The following GRIN2B variants were observed in gnomAD, a reference collection of about 807,000 sequenced individuals.
The protein encoded by GRIN2B is glutamate ionotropic receptor NMDA type subunit 2B.
GRIN2B carries 5 observed loss-of-function variants against 114.5 expected under a neutral mutation model. The observed-to-expected ratio is 0.04, with a 90% CI of 0.02 to 0.09. GRIN2B has a LOEUF of 0.09. GRIN2B is among the 10% of genes least tolerant of loss of function. GRIN2B has a pLI of 1.00. For missense variants in GRIN2B, 1,108 were observed against 1,943.5 expected (o/e 0.57, Z 8.08); for synonymous variants, 787 against 745.1 (o/e 1.06, Z -0.92).
intron 3 of GRIN2B, among the ~76,000 whole-genome samples, chr12:13,800,588 A>G (rs1181003029): frequency 6.6e-6 from 1 of 152,218 alleles, no homozygotes; most frequent in East Asian, 1.9e-4. Flanking sequence ...TGGGGCTTCC[A>G]TATAGTATCA....
At chr12:13,637,779 C>T (rs1949679281) in intron 5 of GRIN2B, among the ~76,000 whole-genome samples, 1 of 152,144 alleles carries the variant, frequency 6.6e-6, no homozygotes, top group Non-Finnish European at 1.5e-5. Flanking sequence ...TATTAAGAAA[C>T]TTATTCAAAT....
At chr12:13,850,749 C>G (rs1865547637) in intron 3 of GRIN2B, among the ~76,000 whole-genome samples, 1 of 152,128 alleles carries the variant, frequency 6.6e-6, no homozygotes, top group African/African-American at 2.4e-5. Context: ...GCTTGATGTC[C>G]CAGGAGGGCT....
chr12:13,831,013 C>G (rs1243752000), intron 3 of GRIN2B, among the ~76,000 whole-genome samples: 2 of 152,146 alleles, frequency 1.3e-5, no homozygotes, highest in African/African-American at 2.4e-5. Flanking sequence ...GTGCCCTCCT[C>G]AAGGCAATGA....
intron 3 of GRIN2B, among the ~76,000 whole-genome samples, chr12:13,762,210 AGC>A (rs556192342): frequency 1.4e-4 from 22 of 152,210 alleles, no homozygotes; most frequent in African/African-American, 4.3e-4. Flanking sequence ...TCATCGTGTT[AGC>A]CAGGATGGTC....
rs567992730 is a variant in GRIN2B, at chr12:13,947,931, C to T, written c.-19+31997G>A. Among the ~76,000 whole-genome samples the T allele has an allele frequency of 2.0e-5, 3 of 152,244 alleles. No homozygotes were observed. The East Asian group carries it at 5.8e-4, about 29-fold the overall frequency. On this transcript the variant is annotated intron_variant, in intron 2 of 13. Transcript: ENST00000609686. ...TCCTGTCCCAGAACCAGAGAAGCAG[C>T]CCCCCATTTTTAAACTGAAATTGTT...
chr12:13,756,477 C>G (rs1424364670), intron 3 of GRIN2B, among the ~76,000 whole-genome samples: 2 of 152,210 alleles, frequency 1.3e-5, no homozygotes, highest in African/African-American at 2.4e-5. Context: ...CCTAGAATAG[C>G]TGTCACTTTA....
intron 4 of GRIN2B, among the ~76,000 whole-genome samples, chr12:13,729,085 T>C (rs1252495244): frequency 6.6e-6 from 1 of 152,228 alleles, no homozygotes; most frequent in East Asian, 1.9e-4. Context: ...AGAGATGAAG[T>C]CAGAGACAGA....
In GRIN2B at chr12:13,562,703, C is replaced by G. The variant is rs997974723; in HGVS notation, c.*80G>C. The G allele has an allele frequency of 2.6e-6, 3 of 1,159,522 alleles. No homozygotes were observed. The African/African-American group carries it at 4.5e-5, about 18-fold the overall frequency. 71.8% of individuals were successfully genotyped at this position (1,159,522 alleles called of 1,614,324 possible). A position where few individuals can be genotyped will look rare whatever the true frequency, so the allele number is the denominator to read the frequency against. On this transcript the variant is annotated 3_prime_UTR_variant, in exon 14 of 14. Transcript: ENST00000609686. Reference sequence around the variant, plus strand: ...AGCAAATGGGAACCAAGTTCACCCCCGTCACCCTCCGTGACATGCGCATCA... The same window carrying G: ...AGCAAATGGGAACCAAGTTCACCCCGGTCACCCTCCGTGACATGCGCATCA...
intron 5 of GRIN2B, among the ~76,000 whole-genome samples, chr12:13,619,517 G>T (rs536301735): frequency 1.3e-5 from 2 of 152,214 alleles, no homozygotes; most frequent in Admixed American, 6.5e-5. Flanking sequence ...ACAGTAGTTT[G>T]TTCACGCAGT....
At chr12:13,862,240 GTGCTGAAC>G (rs1259999453) in intron 3 of GRIN2B, among the ~76,000 whole-genome samples, 27 of 152,276 alleles carry the variant, frequency 1.8e-4, no homozygotes, top group African/African-American at 6.5e-4. Context: ...ATTTGACGAG[GTGCTGAAC>G]TGCTGAACTG....
At chr12:13,829,820 T>G (rs760019375) in intron 3 of GRIN2B, among the ~76,000 whole-genome samples, 2 of 152,190 alleles carry the variant, frequency 1.3e-5, no homozygotes, top group Non-Finnish European at 2.9e-5. Context: ...AGTTGCTCCA[T>G]GCTTATACTA....
At chr12:13,968,184 GC>G (rs1867820320) in intron 2 of GRIN2B, among the ~76,000 whole-genome samples, 1 of 152,200 alleles carries the variant, frequency 6.6e-6, no homozygotes, top group East Asian at 1.9e-4. Flanking sequence ...GGCATGTCTT[GC>G]CCATTAAATA....
At chr12:13,767,901 G>T (rs1863829047) in intron 3 of GRIN2B, among the ~76,000 whole-genome samples, 1 of 152,098 alleles carries the variant, frequency 6.6e-6, no homozygotes, top group Non-Finnish European at 1.5e-5. Flanking sequence ...GAAATCTTCG[G>T]TGACGAAGGG....
rs1020757616 is a variant in GRIN2B, at chr12:13,544,555, C to T, written c.*18228G>A. On this transcript the variant is annotated 3_prime_UTR_variant, in exon 14 of 14. Coordinates refer to ENST00000609686, the MANE Select transcript of GRIN2B (RefSeq NM_000834.5). The stretch of plus-strand genomic sequence containing the variant: ...GCCTAATCATCATTTCTACTTGCAA[C>T]ATCTGTAGACACCTTAAACTATAAG... 1 of 152,182 alleles carries T rather than the reference C, an allele frequency of 6.6e-6. No homozygotes were observed. The highest frequency in any genetic ancestry group is 2.4e-5 in the African/African-American group (1 of 41,442). 9.4% of individuals were successfully genotyped at this position (152,182 alleles called of 1,614,324 possible).
Position 13,831,917 on chromosome 12 carries a change from G to C in GRIN2B, c.411+33881C>G, listed in dbSNP as rs375488274. The stretch of plus-strand genomic sequence containing the variant: ...TGTTCTATCATCTTTTCAGGAGAAC[G>C]TGCCTTTGGAAGAAACACTTTCATA... On this transcript the variant is annotated intron_variant, in intron 3 of 13. Coordinates refer to ENST00000609686, the MANE Select transcript of GRIN2B (RefSeq NM_000834.5). Among the ~76,000 whole-genome samples, 25 of 152,314 alleles carry C rather than the reference G, an allele frequency of 1.6e-4. No homozygotes were observed. In the South Asian group the frequency reaches 5.2e-3, roughly 32 times the overall value.
chr12:13,933,673 T>C (rs564248702), intron 2 of GRIN2B, among the ~76,000 whole-genome samples: 1 of 152,070 alleles, frequency 6.6e-6, no homozygotes, highest in South Asian at 2.1e-4. Context: ...TGCAGAGCAA[T>C]TGGAAAGGAA....
At chr12:13,646,826 C>A (rs1591657219) in intron 5 of GRIN2B, among the ~76,000 whole-genome samples, 1 of 152,152 alleles carries the variant, frequency 6.6e-6, no homozygotes, top group East Asian at 1.9e-4. Flanking sequence ...CTGCACCCAG[C>A]CACAAAATTT....
chr12:13,636,552 A>C (rs1436084669), intron 5 of GRIN2B, among the ~76,000 whole-genome samples: 1 of 152,116 alleles, frequency 6.6e-6, no homozygotes, highest in Non-Finnish European at 1.5e-5. Flanking sequence ...TGAAGTGGCC[A>C]CTTTCTGGAT....
rs1189677349 is a variant in GRIN2B at position 13,554,553 on chromosome 12, A to G, written c.*8230T>C. ...GGATTATGGGACACACACATAGTCA[A>G]GTAACAAGAAATTATTGCTGGCAGA... On this transcript the variant is annotated 3_prime_UTR_variant, in exon 14 of 14. Transcript: ENST00000609686. 2.6e-5 allele frequency: 4 copies of G among 152,204 alleles called. No homozygotes were observed. The highest frequency in any genetic ancestry group is 1.9e-4 in the East Asian group (1 of 5,188). The allele number at this position is 152,204 out of a possible 1,614,324, so 9.4% of individuals were successfully genotyped here.
Sources: gnomAD v4.1 joint callset for allele counts (sites outside exome capture counted in the v4.1 genomes callset) on GRCh38, gnomAD v4.1.1 for gene constraint, MANE v1.5 for transcripts, NCBI Gene and HGNC (gene_info 2026-07-23, HGNC 2026-07-21) for gene names.